The following ADGRB3 variants were observed in gnomAD, a reference collection of about 807,000 sequenced individuals.
ADGRB3 encodes the protein brain-specific angiogenesis inhibitor 3.
In ADGRB3, 37 loss-of-function variants were observed where a neutral mutation model predicts 193.4. That is an observed-to-expected ratio of 0.19 (90% confidence interval 0.15 to 0.25). The LOEUF (loss-of-function observed/expected upper bound fraction) is 0.25, where lower values mean the gene tolerates loss of function less well. Among genes scored for constraint, ADGRB3 ranks in the 10% least tolerant of loss-of-function variants. The probability of loss-of-function intolerance (pLI) is 1.00; values close to 1 mark genes in which losing one functional copy is unlikely to be tolerated. For synonymous variants in ADGRB3, 690 were observed against 644.2 expected (o/e 1.07, Z -1.08); for missense variants, 1,637 against 1,852.9 (o/e 0.88, Z 2.14).
intron 20 of ADGRB3, among the ~76,000 whole-genome samples, chr6:69,269,372 T>C (rs569998365): frequency 3.5e-4 from 53 of 152,288 alleles, no homozygotes; most frequent in African/African-American, 1.1e-3. Flanking sequence ...TACAAATGTG[T>C]CCAATGTAAA....
At chr6:69,144,661 A>G (rs1469738970) in intron 17 of ADGRB3, among the ~76,000 whole-genome samples, 1 of 152,204 alleles carries the variant, frequency 6.6e-6, no homozygotes, top group African/African-American at 2.4e-5. Flanking sequence ...ATCAATTGAA[A>G]TGATCATATT....
chr6:68,637,627 A>AGAAAG (rs1319579456), intron 2 of ADGRB3, 65 bp downstream of exon 2: 1 of 152,642 alleles, frequency 6.6e-6, no homozygotes, highest in Non-Finnish European at 1.5e-5. Context: ...AGAAAAGAAA[A>AGAAAG]GAAAAGAGGA....
chr6:69,111,337 G>A (rs1304393773), intron 17 of ADGRB3, among the ~76,000 whole-genome samples: 2 of 152,136 alleles, frequency 1.3e-5, no homozygotes, highest in African/African-American at 4.8e-5. Context: ...CAGGTAAATG[G>A]TTTGCAGTAG....
intron 17 of ADGRB3, among the ~76,000 whole-genome samples, chr6:69,198,376 G>T (rs1406276334): frequency 6.6e-6 from 1 of 152,014 alleles, no homozygotes; most frequent in Admixed American, 6.6e-5. Context: ...ATATTATAGT[G>T]TAGAAAAATA....
intron 17 of ADGRB3, among the ~76,000 whole-genome samples, chr6:69,112,810 T>G (rs1385192628): frequency 2.0e-5 from 3 of 151,950 alleles, no homozygotes; most frequent in Non-Finnish European, 2.9e-5. Context: ...CAGGCTAGAG[T>G]GCAGTGGCAC....
chr6:69,253,128 T>C (rs935426093), intron 20 of ADGRB3, among the ~76,000 whole-genome samples: 1 of 152,032 alleles, frequency 6.6e-6, no homozygotes, highest in Non-Finnish European at 1.5e-5. Flanking sequence ...GATTTCTCCA[T>C]TGTTTCTGTG....
At chr6:68,775,346 G>C (rs970381383) in intron 3 of ADGRB3, among the ~76,000 whole-genome samples, 2 of 152,000 alleles carry the variant, frequency 1.3e-5, no homozygotes, top group Non-Finnish European at 1.5e-5. Flanking sequence ...CGTGCACCAA[G>C]GGCCATGTGT....
intron 20 of ADGRB3, among the ~76,000 whole-genome samples, chr6:69,289,032 A>T (rs1561977862): frequency 6.6e-6 from 1 of 152,130 alleles, no homozygotes. Flanking sequence ...TTATAAAAAG[A>T]TAGCTAATGA....
chr6:68,952,669 G>A (rs1169852461), intron 6 of ADGRB3, among the ~76,000 whole-genome samples: 1 of 151,884 alleles, frequency 6.6e-6, no homozygotes, highest in Non-Finnish European at 1.5e-5. Flanking sequence ...TAAAAAGCTT[G>A]CAAAAAAAAG....
intron 3 of ADGRB3, among the ~76,000 whole-genome samples, chr6:68,807,299 G>C (rs1767423187): frequency 7.1e-6 from 1 of 139,886 alleles, no homozygotes; most frequent in Admixed American, 7.8e-5. Context: ...GCAGTGTGGC[G>C]CGATCTCAGC....
At chr6:68,738,059 A>G (rs1765905985) in intron 3 of ADGRB3, among the ~76,000 whole-genome samples, 1 of 152,220 alleles carries the variant, frequency 6.6e-6, no homozygotes, top group Non-Finnish European at 1.5e-5. Context: ...CTTACTAAGA[A>G]GAAATTGAGA....
chr6:68,933,114 A>T (rs1395588410), intron 4 of ADGRB3, among the ~76,000 whole-genome samples: 1 of 150,988 alleles, frequency 6.6e-6, no homozygotes, highest in Non-Finnish European at 1.5e-5. Context: ...TAATATATAT[A>T]TTTAATATAG....
intron 20 of ADGRB3, among the ~76,000 whole-genome samples, chr6:69,267,020 C>CTGTA (rs1767059890): frequency 1.3e-5 from 2 of 151,994 alleles, no homozygotes; most frequent in Non-Finnish European, 2.9e-5. Context: ...TTATGATTTT[C>CTGTA]AGAGTCTTCT....
chr6:69,234,917 A>T (rs975395440), intron 18 of ADGRB3, 115 bp from the exon 19 acceptor site: 1 of 724,962 alleles, frequency 1.4e-6, no homozygotes, highest in African/African-American at 1.8e-5. Context: ...CTATCTGGTA[A>T]CTATAACAAC....
At chr6:69,319,723 A>G (rs1272039698) in intron 20 of ADGRB3, among the ~76,000 whole-genome samples, 1 of 151,370 alleles carries the variant, frequency 6.6e-6, no homozygotes, top group Non-Finnish European at 1.5e-5. Context: ...TCCCAATACT[A>G]ACATTGTGAC....
chr6:69,331,535 G>A (rs1768729552), intron 23 of ADGRB3: 1 of 985,086 alleles, frequency 1.0e-6, no homozygotes, highest in African/African-American at 1.7e-5. Flanking sequence ...CTCCCTTTAA[G>A]CTTGTTCTCC....
chr6:69,016,308 G>C (rs1770089012), intron 12 of ADGRB3, among the ~76,000 whole-genome samples: 1 of 151,884 alleles, frequency 6.6e-6, no homozygotes, highest in Non-Finnish European at 1.5e-5. Flanking sequence ...CAAGGTAGAA[G>C]GGAAAAAAAA....
In ADGRB3 at chr6:69,014,152, G is replaced by A. The variant is rs146566364; in HGVS notation, c.1998+46G>A. ...GAACTTGAAGTTGGCAAAACAAAGT[G>A]TAAAAAATATGTGACTAAATTAATG... On this transcript the variant is annotated intron_variant, in intron 12 of 31. Coordinates refer to ENST00000370598, the MANE Select transcript of ADGRB3 (RefSeq NM_001704.3). The A allele has an allele frequency of 2.3e-4, 323 of 1,375,244 alleles. 2 individuals are homozygous for A. The East Asian group carries it at 7.5e-3, about 32-fold the overall frequency. The allele number at this position is 1,375,244 out of a possible 1,614,324, so 85.2% of individuals were successfully genotyped here. A position where few individuals can be genotyped will look rare whatever the true frequency, so the allele number is the denominator to read the frequency against.
chr6:68,646,202 C>T (rs1768210155), intron 3 of ADGRB3, among the ~76,000 whole-genome samples: 1 of 151,946 alleles, frequency 6.6e-6, no homozygotes, highest in Non-Finnish European at 1.5e-5. Flanking sequence ...TCCAGCTGGG[C>T]GTAGTGGTTC....
Sources: allele counts gnomAD v4.1 joint callset (sites outside exome capture counted in the v4.1 genomes callset), GRCh38; gene constraint gnomAD v4.1.1; transcripts MANE v1.5; gene names NCBI Gene and HGNC (gene_info 2026-07-23, HGNC 2026-07-21).